Variants in MIPEP observed in about 807,000 individuals in gnomAD.
The protein encoded by MIPEP is mitochondrial intermediate peptidase.
In MIPEP, 79 loss-of-function variants were observed where a neutral mutation model predicts 90.3. The ratio of observed to expected loss-of-function variants is 0.87; its 90% CI spans 0.73 to 1.05. The LOEUF (loss-of-function observed/expected upper bound fraction) is 1.05, where lower values mean the gene tolerates loss of function less well. Among genes scored for constraint, MIPEP ranks in the 50% least tolerant of loss-of-function variants. The probability of loss-of-function intolerance (pLI) is 0.00; values close to 1 mark genes in which losing one functional copy is unlikely to be tolerated. For missense variants in MIPEP, 940 were observed against 905.6 expected (o/e 1.04, Z -0.49); for synonymous variants, 334 against 315.8 (o/e 1.06, Z -0.61).
chr13:23,746,833 A>G (rs1441070767), intron 18 of MIPEP, among the ~76,000 whole-genome samples: 1 of 152,120 alleles, frequency 6.6e-6, no homozygotes, highest in Non-Finnish European at 1.5e-5. Context: ...CTACTACAAG[A>G]TATTTACTTG....
At chr13:23,815,305 C>A (rs1030839266) in intron 14 of MIPEP, among the ~76,000 whole-genome samples, 1 of 129,012 alleles carries the variant, frequency 7.8e-6, no homozygotes, top group African/African-American at 3.0e-5. Flanking sequence ...AATGTACTTC[C>A]ATAGTTTCCT....
At chr13:23,855,605 T>C (rs1008115691) in intron 10 of MIPEP, among the ~76,000 whole-genome samples, 5 of 152,228 alleles carry the variant, frequency 3.3e-5, no homozygotes, top group African/African-American at 1.2e-4. Context: ...ATGATATTTT[T>C]CCTTTCTTTT....
At chr13:23,831,143 T>G (rs1321675908) in intron 14 of MIPEP, among the ~76,000 whole-genome samples, 1 of 152,042 alleles carries the variant, frequency 6.6e-6, no homozygotes, top group Admixed American at 6.5e-5. Context: ...AAATTCAGTC[T>G]GAGAAAGTGG....
chr13:23,836,231 T>TG lies in MIPEP; in HGVS notation c.1653+8dup, dbSNP rs749725962. The TG allele has an allele frequency of 5.9e-6, 9 of 1,524,578 alleles. No homozygotes were observed. Among genetic ancestry groups the TG allele is most frequent in the Non-Finnish European group, 8.0e-6 (9 of 1,126,670 alleles). 94.4% of individuals were successfully genotyped at this position (1,524,578 alleles called of 1,614,324 possible). Reference sequence around the variant, plus strand: ...CCAAAGGACAAGACGACAATATTACTGTTCCTACCTGTCCAGTCTGATAAT... The same window carrying TG: ...CCAAAGGACAAGACGACAATATTACTGGTTCCTACCTGTCCAGTCTGATAAT... On this transcript the variant is annotated intron_variant, in intron 14 of 18. Transcript: ENST00000382172.
chr13:23,731,942 C>T (rs542996124), intron 18 of MIPEP, among the ~76,000 whole-genome samples: 18 of 145,690 alleles, frequency 1.2e-4, no homozygotes, highest in African/African-American at 3.8e-4. Context: ...CAATGAGATA[C>T]TATTACACAT....
intron 16 of MIPEP, among the ~76,000 whole-genome samples, chr13:23,804,167 T>C (rs1953079661): frequency 6.6e-6 from 1 of 152,216 alleles, no homozygotes; most frequent in African/African-American, 2.4e-5. Context: ...GAAATCTGGA[T>C]GGTAAGGAAG....
chr13:23,843,387 A>T (rs1869393641), intron 10 of MIPEP, among the ~76,000 whole-genome samples: 1 of 152,240 alleles, frequency 6.6e-6, no homozygotes, highest in Admixed American at 6.5e-5. Flanking sequence ...CATGCACCAT[A>T]GGCCATGGCC....
intron 14 of MIPEP, 74 bp from the exon 15 acceptor site, chr13:23,809,998 T>C: frequency 1.3e-6 from 1 of 795,628 alleles, no homozygotes; most frequent in Non-Finnish European, 2.0e-6. Context: ...AGCCAGGAAA[T>C]TTAAAAATAA....
At chr13:23,778,672 TC>T (rs1465620413) in intron 16 of MIPEP, among the ~76,000 whole-genome samples, 1 of 151,756 alleles carries the variant, frequency 6.6e-6, no homozygotes, top group Non-Finnish European at 1.5e-5. Context: ...CCCGTTTTTT[TC>T]AATTCCCCTT....
intron 14 of MIPEP, among the ~76,000 whole-genome samples, chr13:23,834,076 C>T (rs1305602271): frequency 6.6e-6 from 1 of 152,028 alleles, no homozygotes; most frequent in Non-Finnish European, 1.5e-5. Context: ...GTTGCTGGGT[C>T]GCCAGAGCTG....
At chr13:23,777,430 GAC>G (rs1431674813) in intron 16 of MIPEP, among the ~76,000 whole-genome samples, 1 of 152,110 alleles carries the variant, frequency 6.6e-6, no homozygotes, top group Non-Finnish European at 1.5e-5. Flanking sequence ...GAAAATAAAA[GAC>G]AGTGAATTTC....
chr13:23,845,544 A>G (rs1439027463), intron 10 of MIPEP, among the ~76,000 whole-genome samples: 1 of 152,168 alleles, frequency 6.6e-6, no homozygotes, highest in African/African-American at 2.4e-5. Context: ...AACTGACGGT[A>G]AGCTGCTGTT....
intron 10 of MIPEP, among the ~76,000 whole-genome samples, chr13:23,846,882 TG>T (rs1869569332): frequency 1.3e-5 from 2 of 152,328 alleles, no homozygotes; most frequent in Admixed American, 6.5e-5. Flanking sequence ...GTACTCACTA[TG>T]ACAGTGGGCT....
intron 10 of MIPEP, among the ~76,000 whole-genome samples, chr13:23,847,981 G>A (rs1283769875): frequency 1.3e-5 from 2 of 152,144 alleles, no homozygotes; most frequent in African/African-American, 2.4e-5. Context: ...ATTATTGTTC[G>A]TTTTACTTGA....
chr13:23,853,013 ATAT>A (rs1869872657), intron 10 of MIPEP, among the ~76,000 whole-genome samples: 1 of 152,198 alleles, frequency 6.6e-6, no homozygotes, highest in South Asian at 2.1e-4. Context: ...AAAAGAGAAA[ATAT>A]TGTTGTTCAT....
At chr13:23,805,470 C>T (rs570073488) in intron 16 of MIPEP, among the ~76,000 whole-genome samples, 4 of 152,196 alleles carry the variant, frequency 2.6e-5, no homozygotes, top group African/African-American at 9.6e-5. Flanking sequence ...GAGTCTGGCG[C>T]CTAGAATCCA....
intron 10 of MIPEP, among the ~76,000 whole-genome samples, chr13:23,850,769 C>G (rs867307195): frequency 1.2e-4 from 18 of 152,206 alleles, no homozygotes; most frequent in African/African-American, 3.6e-4. Context: ...TCAGCTTAAG[C>G]TGTATCAAAA....
chr13:23,768,791 G>A (rs1039516474), intron 16 of MIPEP, among the ~76,000 whole-genome samples: 1 of 152,058 alleles, frequency 6.6e-6, no homozygotes, highest in African/African-American at 2.4e-5. Flanking sequence ...TAATGTTAAG[G>A]ACAAACAAAA....
At chr13:23,785,624 T>TAAAAAAAA (rs67915328) in intron 16 of MIPEP, among the ~76,000 whole-genome samples, 10 of 119,190 alleles carry the variant, frequency 8.4e-5, no homozygotes, top group Non-Finnish European at 6.8e-5. Flanking sequence ...TAAAGTATAA[T>TAAAAAAAA]AAAAAAAAAA....
Sources: allele counts gnomAD v4.1 joint callset (sites outside exome capture counted in the v4.1 genomes callset), GRCh38; gene constraint gnomAD v4.1.1; transcripts MANE v1.5; gene names NCBI Gene and HGNC (gene_info 2026-07-23, HGNC 2026-07-21).